The following LMBR1 variants were observed in gnomAD, a reference collection of about 807,000 sequenced individuals.
LMBR1 encodes limb development membrane protein 1.
LMBR1 carries 52 observed loss-of-function variants against 73.9 expected under a neutral mutation model. That is an observed-to-expected ratio of 0.70 (90% CI 0.56 to 0.89). The LOEUF (loss-of-function observed/expected upper bound fraction) is 0.89, where lower values mean the gene tolerates loss of function less well. LMBR1 is among the 40% of genes least tolerant of loss of function. The pLI is 0.00. For missense variants in LMBR1, 539 were observed against 579.8 expected (o/e 0.93, Z 0.72); for synonymous variants, 215 against 209.4 (o/e 1.03, Z -0.23).
intron 1 of LMBR1, among the ~76,000 whole-genome samples, chr7:156,891,336 A>T (rs1375507243): frequency 1.3e-5 from 2 of 151,532 alleles, no homozygotes; most frequent in African/African-American, 4.9e-5. Context: ...GCCCATCAAC[A>T]GTAAAATGAA....
chr7:156,674,222 G>A (rs926728185), downstream of LMBR1, among the ~76,000 whole-genome samples: 2 of 152,228 alleles, frequency 1.3e-5, no homozygotes, highest in Non-Finnish European at 2.9e-5. Flanking sequence ...AGCCTGTGGG[G>A]CTCGGGAACT....
chr7:156,721,822 G>T (rs556781215), intron 15 of LMBR1, among the ~76,000 whole-genome samples: 7 of 151,990 alleles, frequency 4.6e-5, no homozygotes, highest in Admixed American at 2.0e-4. Flanking sequence ...TTACTTAGTG[G>T]TGATTTTTCA....
intron 9 of LMBR1, among the ~76,000 whole-genome samples, chr7:156,738,192 T>C (rs948144295): frequency 2.0e-5 from 3 of 151,904 alleles, no homozygotes; most frequent in African/African-American, 7.3e-5. Flanking sequence ...GCACAACAAA[T>C]GGGGGACATA....
chr7:156,834,849 A>G (rs1310946555), intron 2 of LMBR1, among the ~76,000 whole-genome samples: 1 of 150,954 alleles, frequency 6.6e-6, no homozygotes, highest in Non-Finnish European at 1.5e-5. Context: ...CCCAATTATA[A>G]GAATACCACA....
At chr7:156,820,073 C>CATTCG (rs2133741484) in intron 4 of LMBR1, among the ~76,000 whole-genome samples, 1 of 152,344 alleles carries the variant, frequency 6.6e-6, no homozygotes, top group South Asian at 2.1e-4. Flanking sequence ...ACTACACCCC[C>CATTCG]ATTCGATTCT....
At chr7:156,761,384 T>C (rs1290498827) in intron 8 of LMBR1, among the ~76,000 whole-genome samples, 1 of 152,184 alleles carries the variant, frequency 6.6e-6, no homozygotes, top group Non-Finnish European at 1.5e-5. Flanking sequence ...AAAACTAATA[T>C]ATAGTGTTTC....
At chr7:156,862,252 C>T (rs551921869) in intron 1 of LMBR1, among the ~76,000 whole-genome samples, 1 of 152,270 alleles carries the variant, frequency 6.6e-6, no homozygotes, top group South Asian at 2.1e-4. Flanking sequence ...GAAGTTTGTG[C>T]AGGGGAACTC....
chr7:156,799,242 A>C (rs1183254048), intron 4 of LMBR1, among the ~76,000 whole-genome samples: 1 of 152,066 alleles, frequency 6.6e-6, no homozygotes, highest in Admixed American at 6.6e-5. Context: ...AGTATACCTA[A>C]AGCCGATTGC....
At chr7:156,822,560 A>G (rs1367730799) in intron 4 of LMBR1, 3 of 152,224 alleles carry the variant, frequency 2.0e-5, no homozygotes, top group Non-Finnish European at 4.4e-5. Flanking sequence ...TGGGACAACT[A>G]GCTGTCATAT....
intron 5 of LMBR1, among the ~76,000 whole-genome samples, chr7:156,770,049 T>C (rs548802907): frequency 1.3e-5 from 2 of 152,228 alleles, no homozygotes; most frequent in Admixed American, 6.5e-5. Flanking sequence ...ATATTAACAA[T>C]GATACACAGA....
intron 4 of LMBR1, among the ~76,000 whole-genome samples, chr7:156,809,983 T>G (rs1299954690): frequency 6.6e-6 from 1 of 152,082 alleles, no homozygotes; most frequent in East Asian, 1.9e-4. Flanking sequence ...TCCCCTCCTT[T>G]AGAAACACCA....
chr7:156,724,764 C>CTGTGTGTG (rs71189961), intron 14 of LMBR1, among the ~76,000 whole-genome samples: 145 of 146,530 alleles, frequency 9.9e-4, no homozygotes, highest in African/African-American at 1.5e-3. Context: ...AAAGAAATAG[C>CTGTGTGTG]TGTGTGTGTG....
intron 15 of LMBR1, among the ~76,000 whole-genome samples, chr7:156,692,560 G>C (rs1247988240): frequency 6.6e-6 from 1 of 152,152 alleles, no homozygotes; most frequent in Non-Finnish European, 1.5e-5. Context: ...CAAGACCCTA[G>C]ACATCAGGAA....
intron 4 of LMBR1, among the ~76,000 whole-genome samples, chr7:156,807,001 G>T (rs1832253277): frequency 6.6e-6 from 1 of 151,646 alleles, no homozygotes; most frequent in African/African-American, 2.4e-5. Context: ...TTTGTCATAT[G>T]CTTTTTCTGC....
chr7:156,681,492 T>A lies in LMBR1; in HGVS notation c.*2586A>T, dbSNP rs1805018836. On this transcript the variant is annotated 3_prime_UTR_variant, in exon 17 of 17. Transcript: ENST00000353442. ...AAGTATCTTGGAAAATCAGTAAAAA[T>A]TAATACAAATGTTATAATCTGAAAA... 6.4e-6 allele frequency: 1 copy of A among 156,040 alleles called. No individual in the cohort carries two copies. Among genetic ancestry groups the A allele is most frequent in the African/African-American group, 2.4e-5 (1 of 41,454 alleles). 9.7% of individuals were successfully genotyped at this position (156,040 alleles called of 1,614,324 possible).
intron 15 of LMBR1, among the ~76,000 whole-genome samples, chr7:156,704,387 G>C (rs1810455803): frequency 6.6e-6 from 1 of 152,146 alleles, no homozygotes; most frequent in African/African-American, 2.4e-5. Flanking sequence ...TGCACATCCT[G>C]AAACAAAGCC....
rs1801958611 is a variant in LMBR1 at position 156,669,389 on chromosome 7, G to A, written n.867-102C>T. The stretch of plus-strand genomic sequence containing the variant: ...GAAGGGGAGAGAGAGTGAAGTGAGG[G>A]GTGAGATGTTTGAAATAAGGTGGAA... On this transcript the variant is annotated intron_variant and non_coding_transcript_variant, in intron 4 of 4. Coordinates refer to the LMBR1 transcript ENST00000430825. The surrounding 1 kb of genome is among the most constrained non-coding windows in gnomAD (Gnocchi z 4.2). 6.6e-6 allele frequency: 1 copy of A among 152,192 alleles called. No homozygotes were observed. Among genetic ancestry groups the A allele is most frequent in the African/African-American group, 2.4e-5 (1 of 41,414 alleles). 9.4% of individuals were successfully genotyped at this position (152,192 alleles called of 1,614,324 possible).
At chr7:156,847,166 A>G (rs992742355) in intron 1 of LMBR1, among the ~76,000 whole-genome samples, 1 of 152,204 alleles carries the variant, frequency 6.6e-6, no homozygotes, top group Non-Finnish European at 1.5e-5. Flanking sequence ...AAAAAGAGCA[A>G]AGGCTATATA....
chr7:156,681,136 ACCAACAAAAC>A lies in LMBR1; in HGVS notation c.*2932_*2941del, dbSNP rs2131826536. 2.2e-6 allele frequency: 1 copy of A among 444,908 alleles called. No homozygotes were observed. The highest frequency in any genetic ancestry group is 7.0e-5 in the East Asian group (1 of 14,192). The allele number at this position is 444,908 out of a possible 1,614,324, so 27.6% of individuals were successfully genotyped here. A position where few individuals can be genotyped will look rare whatever the true frequency, so the allele number is the denominator to read the frequency against. ...GCCTTTATGCATTAAATAACGTGCT[ACCAACAAAAC>A]TAGCACATAAGAGCCTGTAAATGAT... On this transcript the variant is annotated 3_prime_UTR_variant, in exon 17 of 17. Coordinates refer to ENST00000353442, the MANE Select transcript of LMBR1 (RefSeq NM_022458.4).
Sources: allele counts gnomAD v4.1 joint callset (sites outside exome capture counted in the v4.1 genomes callset), GRCh38; gene constraint gnomAD v4.1.1; non-coding constraint Gnocchi (gnomAD v3.1); transcripts MANE v1.5; gene names NCBI Gene and HGNC (gene_info 2026-07-23, HGNC 2026-07-21).